LINGO2: variants seen among roughly 807,000 people sequenced by gnomAD.
The protein encoded by LINGO2 is leucine rich repeat and Ig domain containing 2, also known as leucine-rich repeat and immunoglobulin-like domain-containing nogo receptor-interacting protein 2.
In LINGO2, 14 loss-of-function variants were observed where a neutral mutation model predicts 30.6. The observed-to-expected ratio is 0.46, with a 90% CI of 0.30 to 0.72. The LOEUF (loss-of-function observed/expected upper bound fraction) is 0.72. Ranked by LOEUF, LINGO2 falls within the 30% of genes least tolerant of loss-of-function variation. The pLI, the probability that LINGO2 is intolerant of heterozygous loss-of-function variation, is 0.07. For missense variants in LINGO2, 729 were observed against 751.7 expected, an observed-to-expected ratio of 0.97 and a Z score of 0.35; for synonymous variants, 317 against 288.5, an observed-to-expected ratio of 1.10 and a Z score of -1.00.
chr9:28,793,947 A>C, the LINGO2 span, among the ~76,000 whole-genome samples: 1 of 152,150 alleles, frequency 6.6e-6, no homozygotes, highest in Admixed American at 6.5e-5. Context: ...AGTCAGAAAA[A>C]CATAAATAAA....
intron 4 of LINGO2, among the ~76,000 whole-genome samples, chr9:28,239,717 C>A (rs967290817): frequency 8.5e-5 from 13 of 152,204 alleles, no homozygotes; most frequent in African/African-American, 2.9e-4. Flanking sequence ...CCTCATAGAT[C>A]TGAAATACTA....
chr9:27,996,006 A>T (rs577271543), intron 5 of LINGO2, among the ~76,000 whole-genome samples: 1 of 152,284 alleles, frequency 6.6e-6, no homozygotes, highest in Non-Finnish European at 1.5e-5. Flanking sequence ...TGATAAATTA[A>T]TTCAGTAAGG....
At chr9:29,006,526 A>G in the LINGO2 span, among the ~76,000 whole-genome samples, 3,122 of 152,128 alleles carry the variant, frequency 0.021, 86 homozygotes, top group East Asian at 0.058. Flanking sequence ...TTCACAGATG[A>G]GACATAAAAA....
intron 2 of LINGO2, among the ~76,000 whole-genome samples, chr9:28,428,679 T>C (rs1823518303): frequency 1.3e-5 from 2 of 152,138 alleles, no homozygotes; most frequent in Admixed American, 6.6e-5. Context: ...ATCAGTATCA[T>C]GGTGGGTTCA....
At chr9:28,837,856 T>C in the LINGO2 span, among the ~76,000 whole-genome samples, 1 of 150,644 alleles carries the variant, frequency 6.6e-6, no homozygotes, top group Non-Finnish European at 1.5e-5. Context: ...GTCATGAGCT[T>C]TTATAAGCCC....
chr9:29,140,484 T>C, the LINGO2 span, among the ~76,000 whole-genome samples: 1 of 151,470 alleles, frequency 6.6e-6, no homozygotes, highest in African/African-American at 2.4e-5. Flanking sequence ...TTTGAAGTTA[T>C]TTAAAGGAGC....
At chr9:28,057,920 A>G (rs1267357776) in intron 4 of LINGO2, among the ~76,000 whole-genome samples, 1 of 152,072 alleles carries the variant, frequency 6.6e-6, no homozygotes, top group Non-Finnish European at 1.5e-5. Context: ...GTGTATCATT[A>G]TATCATAGCA....
At chr9:28,838,026 T>A in the LINGO2 span, among the ~76,000 whole-genome samples, 1 of 151,924 alleles carries the variant, frequency 6.6e-6, no homozygotes, top group Non-Finnish European at 1.5e-5. Flanking sequence ...GAGAAAAAAA[T>A]GTTTGAAAAT....
At chr9:28,779,527 T>C in the LINGO2 span, among the ~76,000 whole-genome samples, 1 of 152,196 alleles carries the variant, frequency 6.6e-6, no homozygotes, top group African/African-American at 2.4e-5. Context: ...TCTGAAAGGA[T>C]GGCTCACTGA....
At chr9:28,244,257 A>G (rs989894906) in intron 4 of LINGO2, among the ~76,000 whole-genome samples, 1 of 152,250 alleles carries the variant, frequency 6.6e-6, no homozygotes, top group Non-Finnish European at 1.5e-5. Context: ...GGCAGAAATC[A>G]AGAAGTTCTT....
At chr9:28,265,805 G>T (rs1332373286) in intron 4 of LINGO2, among the ~76,000 whole-genome samples, 1 of 151,822 alleles carries the variant, frequency 6.6e-6, no homozygotes, top group Non-Finnish European at 1.5e-5. Flanking sequence ...ACATAAATGG[G>T]CCCAAACAAA....
chr9:28,527,232 T>C (rs1821071632), intron 1 of LINGO2, among the ~76,000 whole-genome samples: 1 of 152,178 alleles, frequency 6.6e-6, no homozygotes, highest in African/African-American at 2.4e-5. Flanking sequence ...AACCAGATTC[T>C]AGGTATCTGC....
Position 28,616,272 on chromosome 9 carries a change from G to A in LINGO2, c.-365+53928C>T, listed in dbSNP as rs993412003. ...TACCAAAATATACTCTTTCTAGTAAGTCAACAATAAGCAAAGGAAAGATTT... is the reference window on the plus strand; with the variant it reads ...TACCAAAATATACTCTTTCTAGTAAATCAACAATAAGCAAAGGAAAGATTT... On this transcript the variant is annotated intron_variant, in intron 1 of 5. Transcript: ENST00000379992. 2.0e-5 allele frequency among the ~76,000 whole-genome samples: 3 copies of A among 152,100 alleles called. No homozygotes were observed. The South Asian group carries it at 6.2e-4, about 31-fold the overall frequency.
At chr9:28,345,661 C>T (rs1819536864) in intron 3 of LINGO2, among the ~76,000 whole-genome samples, 1 of 152,114 alleles carries the variant, frequency 6.6e-6, no homozygotes. Flanking sequence ...TTTAGATTGC[C>T]TTCAACTCAC....
chr9:28,568,400 T>C (rs1271479220), intron 1 of LINGO2, among the ~76,000 whole-genome samples: 1 of 151,826 alleles, frequency 6.6e-6, no homozygotes, highest in Non-Finnish European at 1.5e-5. Flanking sequence ...TGGATGACAA[T>C]CTAACCTGTA....
chr9:27,997,428 C>A (rs1490468568), intron 5 of LINGO2, among the ~76,000 whole-genome samples: 1 of 151,922 alleles, frequency 6.6e-6, no homozygotes, highest in African/African-American at 2.4e-5. Context: ...AAATCTGAGT[C>A]CAGATGAACT....
the LINGO2 span, among the ~76,000 whole-genome samples, chr9:28,701,401 T>A: frequency 6.6e-6 from 1 of 152,050 alleles, no homozygotes; most frequent in East Asian, 1.9e-4. Flanking sequence ...TACCATTTGA[T>A]GAAGAGGCTA....
At chr9:28,263,336 A>T (rs979024661) in intron 4 of LINGO2, among the ~76,000 whole-genome samples, 1 of 151,928 alleles carries the variant, frequency 6.6e-6, no homozygotes, top group Middle Eastern at 3.2e-3. Flanking sequence ...GACCCTAATT[A>T]CACCTGTGCA....
chr9:28,174,921 T>TGTGTGAGAGAGA (rs962695032), intron 4 of LINGO2, among the ~76,000 whole-genome samples: 5 of 133,418 alleles, frequency 3.7e-5, no homozygotes, highest in African/African-American at 1.4e-4. Flanking sequence ...TGTGTGTGTG[T>TGTGTGAGAGAGA]GAGAGAGAGA....
Sources: allele counts gnomAD v4.1 joint callset (sites outside exome capture counted in the v4.1 genomes callset), GRCh38; gene constraint gnomAD v4.1.1; transcripts MANE v1.5; gene names NCBI Gene and HGNC (gene_info 2026-07-23, HGNC 2026-07-21).